The following JARID2 variants were observed in gnomAD, a reference collection of about 807,000 sequenced individuals.
The protein encoded by JARID2 is jumonji and AT-rich interaction domain containing 2.
JARID2 carries 21 observed loss-of-function variants against 125.6 expected under a neutral mutation model. The observed-to-expected ratio is 0.17, with a 90% confidence interval of 0.12 to 0.24. The LOEUF is 0.24. Among genes scored for constraint, JARID2 ranks in the 10% least tolerant of loss-of-function variants. The probability of loss-of-function intolerance (pLI) is 1.00; values close to 1 mark genes in which losing one functional copy is unlikely to be tolerated. For synonymous variants in JARID2, 736 were observed against 661.6 expected (o/e 1.11, Z -1.73); for missense variants, 1,303 against 1,639.6 (o/e 0.79, Z 3.55).
chr6:15,322,445 C>T (rs1412230204), intron 1 of JARID2, among the ~76,000 whole-genome samples: 2 of 152,336 alleles, frequency 1.3e-5, no homozygotes, highest in East Asian at 3.9e-4. Flanking sequence ...TGTCTGTGTA[C>T]AGGAAGCACT....
intron 5 of JARID2, among the ~76,000 whole-genome samples, chr6:15,470,036 GC>G (rs1417534433): frequency 6.6e-6 from 1 of 152,032 alleles, no homozygotes; most frequent in Non-Finnish European, 1.5e-5. Context: ...AATTAGCCGG[GC>G]ATGGTGGTGT....
intron 4 of JARID2, among the ~76,000 whole-genome samples, chr6:15,466,220 G>T (rs1343233883): frequency 6.6e-6 from 1 of 152,142 alleles, no homozygotes; most frequent in African/African-American, 2.4e-5. Flanking sequence ...TGAAATACAT[G>T]CCTGTAACAG....
chr6:15,460,094 C>T (rs776110064), intron 4 of JARID2, among the ~76,000 whole-genome samples: 1 of 152,090 alleles, frequency 6.6e-6, no homozygotes, highest in South Asian at 2.1e-4. Flanking sequence ...GTGGCCTTAA[C>T]GTTCTGCATA....
chr6:15,430,849 C>T (rs1766938352), intron 3 of JARID2, among the ~76,000 whole-genome samples: 1 of 152,134 alleles, frequency 6.6e-6, no homozygotes, highest in African/African-American at 2.4e-5. Context: ...ATTATTCTGT[C>T]AACTTGGAAC....
At chr6:15,424,035 T>A (rs1304685356) in intron 3 of JARID2, among the ~76,000 whole-genome samples, 1 of 152,180 alleles carries the variant, frequency 6.6e-6, no homozygotes, top group East Asian at 1.9e-4. Flanking sequence ...CAGTACTTAC[T>A]ACTTTCACTG....
intron 17 of JARID2, among the ~76,000 whole-genome samples, chr6:15,519,555 A>T (rs1325422388): frequency 6.6e-6 from 1 of 152,196 alleles, no homozygotes; most frequent in Non-Finnish European, 1.5e-5. Context: ...TGATTATAGG[A>T]TGTACTGTGT....
intron 1 of JARID2, among the ~76,000 whole-genome samples, chr6:15,291,487 G>T (rs536489592): frequency 1.3e-5 from 2 of 152,170 alleles, no homozygotes; most frequent in Admixed American, 1.3e-4. Flanking sequence ...CTCAGCCTGC[G>T]TCAGGCTTGA....
intron 1 of JARID2, among the ~76,000 whole-genome samples, chr6:15,284,686 C>T (rs1167310841): frequency 6.6e-6 from 1 of 151,984 alleles, no homozygotes; most frequent in Non-Finnish European, 1.5e-5. Flanking sequence ...GGGGTTTTAC[C>T]ATATTGGCGA....
intron 1 of JARID2, among the ~76,000 whole-genome samples, chr6:15,250,039 G>C (rs1363487799): frequency 6.6e-6 from 1 of 152,120 alleles, no homozygotes; most frequent in Non-Finnish European, 1.5e-5. Context: ...ATTTGATCAG[G>C]TATCAGTTTG....
At chr6:15,496,039 C>A in intron 6 of JARID2, 93 bp from the exon 7 acceptor site, 2 of 1,015,240 alleles carry the variant, frequency 2.0e-6, no homozygotes, top group Non-Finnish European at 2.9e-6. Flanking sequence ...TCATCCCCAG[C>A]ATCCAGGGTC....
intron 4 of JARID2, among the ~76,000 whole-genome samples, chr6:15,456,600 C>T (rs1187409200): frequency 6.7e-6 from 1 of 150,174 alleles, no homozygotes; most frequent in Non-Finnish European, 1.5e-5. Context: ...ATTTTTTTTT[C>T]CCGGGAGGAT....
intron 2 of JARID2, among the ~76,000 whole-genome samples, chr6:15,398,118 T>C (rs1427845159): frequency 2.6e-5 from 4 of 152,164 alleles, no homozygotes; most frequent in African/African-American, 9.7e-5. Flanking sequence ...AAAATGCTAT[T>C]TATATATGTT....
At chr6:15,269,456 G>T (rs1023253235) in intron 1 of JARID2, among the ~76,000 whole-genome samples, 1 of 152,006 alleles carries the variant, frequency 6.6e-6, no homozygotes, top group African/African-American at 2.4e-5. Flanking sequence ...TGAACTCTTG[G>T]GCTCAAGAGA....
intron 6 of JARID2, among the ~76,000 whole-genome samples, chr6:15,493,375 T>C (rs543489714): frequency 6.6e-6 from 1 of 152,320 alleles, no homozygotes; most frequent in East Asian, 1.9e-4. Flanking sequence ...TGGAAAACAC[T>C]GAACTAAACC....
intron 1 of JARID2, among the ~76,000 whole-genome samples, chr6:15,258,707 A>C (rs985000147): frequency 1.3e-5 from 2 of 152,130 alleles, no homozygotes; most frequent in Non-Finnish European, 2.9e-5. Context: ...GCTTGAACCC[A>C]GGAGGCAGAG....
intron 3 of JARID2, 147 bp from the exon 4 acceptor site, chr6:15,451,859 T>A (rs1233362151): frequency 2.6e-6 from 2 of 759,796 alleles, no homozygotes; most frequent in South Asian, 1.9e-5. Context: ...TTTATGAGAG[T>A]GTGAGAGATA....
intron 4 of JARID2, among the ~76,000 whole-genome samples, chr6:15,459,523 G>A (rs1768347390): frequency 6.6e-6 from 1 of 152,188 alleles, no homozygotes; most frequent in African/African-American, 2.4e-5. Flanking sequence ...GGGTGCAGAA[G>A]TGTCTGATAC....
chr6:15,394,769 C>T (rs146902597), intron 2 of JARID2, among the ~76,000 whole-genome samples: 1 of 152,258 alleles, frequency 6.6e-6, no homozygotes, highest in East Asian at 1.9e-4. Context: ...AAGGGAACAG[C>T]ATGTGCAAAG....
intron 2 of JARID2, 75 bp downstream of exon 2, chr6:15,374,327 A>G (rs2127516060): frequency 2.6e-6 from 4 of 1,509,550 alleles, no homozygotes; most frequent in Non-Finnish European, 3.6e-6. Context: ...AATTGGATGT[A>G]TTCTGGCAGC....
Sources: gnomAD v4.1 joint callset for allele counts (sites outside exome capture counted in the v4.1 genomes callset) on GRCh38, gnomAD v4.1.1 for gene constraint, MANE v1.5 for transcripts, NCBI Gene and HGNC (gene_info 2026-07-23, HGNC 2026-07-21) for gene names.